The following DSG2 variants were observed in gnomAD, a reference collection of about 807,000 sequenced individuals.
DSG2 encodes the protein desmoglein-2.
A neutral mutation model predicts 75.6 loss-of-function variants in DSG2; 45 were observed. That is an observed-to-expected ratio of 0.60 (90% CI 0.47 to 0.76). The LOEUF (loss-of-function observed/expected upper bound fraction) is 0.76. Ranked by LOEUF, DSG2 falls within the 30% of genes least tolerant of loss-of-function variation. The pLI, the probability that DSG2 is intolerant of heterozygous loss-of-function variation, is 0.00. For missense variants in DSG2, 1,267 were observed against 1,357.4 expected (o/e 0.93, Z 1.05); for synonymous variants, 429 against 483.9 (o/e 0.89, Z 1.49).
At position 31,545,887 on chromosome 18, in the gene DSG2, A is replaced by G. The variant is rs2073302622; in HGVS notation, c.2501A>G (p.Lys834Arg). 6.2e-7 allele frequency: 1 copy of G among 1,614,206 alleles called. No individual in the cohort carries two copies. The highest frequency in any genetic ancestry group is 8.5e-7 in the Non-Finnish European group (1 of 1,180,034). The change falls in exon 15 of 15, where the codon AAG (lysine) becomes AGG (arginine). Residue 834 changes from lysine (K) to arginine (R), a missense_variant. Coordinates refer to ENST00000261590, the MANE Select transcript of DSG2 (RefSeq NM_001943.5). Reference protein sequence around the residue: ...RFLDDLGLKFKTLAEVCLGQK... With the variant: ...RFLDDLGLKFRTLAEVCLGQK... ...TTAGATGATTTGGGACTTAAATTCA[A>G]GACACTAGCTGAAGTTTGCCTGGGT...
rs2276150 is a variant in DSG2 at position 31,536,499 on chromosome 18, T to C, written c.1651+70T>C. 0.11 allele frequency: 163,146 copies of C among 1,426,946 alleles called. 10,873 individuals are homozygous for C. Among genetic ancestry groups the C allele is most frequent in the African/African-American group, 0.29 (20,610 of 70,726 alleles). The allele number at this position is 1,426,946 out of a possible 1,614,324, so 88.4% of individuals were successfully genotyped here. ...TGATATCTAAAATATTTGTAAGTTGTATTTCTTCTCATAAATTATATTTCC... is the reference window on the plus strand; with the variant it reads ...TGATATCTAAAATATTTGTAAGTTGCATTTCTTCTCATAAATTATATTTCC... On this transcript the variant is annotated intron_variant, in intron 11 of 14. Coordinates refer to ENST00000261590, the MANE Select transcript of DSG2 (RefSeq NM_001943.5).
Position 31,524,560 on chromosome 18 carries a change from A to T in DSG2, c.803A>T (p.Asn268Ile), listed in dbSNP as rs942590973. 21 of 1,614,098 alleles carry T rather than the reference A, an allele frequency of 1.3e-5. No individual in the cohort carries two copies. In the East Asian group the frequency reaches 4.7e-4, roughly 36 times the overall value. Residue 268 changes from asparagine (N) to isoleucine (I), a missense_variant, in exon 7 of 15, where the codon AAT (asparagine) becomes ATT (isoleucine). By Grantham distance (149) the Asn-to-Ile change is moderately radical. Transcript: ENST00000261590. ...ATTCGTATTTTGGATGTCAATGACA[A>T]TATACCTGTAGTAGAAAATAAAGTG... ...VQIRILDVND[N>I]IPVVENKVLE...
chr18:31,504,857 C>T (rs898003546), intron 1 of DSG2, among the ~76,000 whole-genome samples: 4 of 152,202 alleles, frequency 2.6e-5, no homozygotes, highest in Non-Finnish European at 5.9e-5. Flanking sequence ...CGTTGGCACC[C>T]TCTGACTCCT....
At position 31,518,360 on chromosome 18, in the gene DSG2, G is replaced by A. The variant is rs2276149; in HGVS notation, c.81+86G>A. ...CAGGTTGACTGGGCTTTACTAGATTGAAGACACATGTTGTATTAGACCCAG... is the reference window on the plus strand; with the variant it reads ...CAGGTTGACTGGGCTTTACTAGATTAAAGACACATGTTGTATTAGACCCAG... On this transcript the variant is annotated intron_variant, in intron 2 of 14. Coordinates refer to ENST00000261590, the MANE Select transcript of DSG2 (RefSeq NM_001943.5). 0.38 allele frequency: 437,120 copies of A among 1,157,510 alleles called. 83,418 individuals carry two copies. The highest frequency in any genetic ancestry group is 0.43 in the African/African-American group (28,638 of 65,942). 71.7% of individuals were successfully genotyped at this position (1,157,510 alleles called of 1,614,324 possible).
chr18:31,525,976 A>G (rs2073160813), intron 8 of DSG2, among the ~76,000 whole-genome samples: 1 of 151,938 alleles, frequency 6.6e-6, no homozygotes, highest in African/African-American at 2.4e-5. Context: ...CCCCATCTCT[A>G]CTACTAAAAA....
chr18:31,517,590 A>G (rs1231345348), intron 1 of DSG2, among the ~76,000 whole-genome samples: 1 of 152,224 alleles, frequency 6.6e-6, no homozygotes, highest in Non-Finnish European at 1.5e-5. Flanking sequence ...TTTTAAAATT[A>G]TTATTTTACA....
At chr18:31,535,454 A>G in intron 10 of DSG2, 42 bp downstream of exon 10, 1 of 1,502,578 alleles carries the variant, frequency 6.7e-7, no homozygotes. Flanking sequence ...ATATGTATTT[A>G]GATTTTTATT....
intron 9 of DSG2, among the ~76,000 whole-genome samples, chr18:31,534,856 C>T (rs2073219744): frequency 6.6e-6 from 1 of 152,172 alleles, no homozygotes; most frequent in African/African-American, 2.4e-5. Context: ...ATGTTGCTAA[C>T]GCCCCCAATA....
Position 31,545,975 on chromosome 18 carries a change from G to A in DSG2, c.2589G>A (p.Met863Ile), listed in dbSNP as rs375955157. ...QRQKPATETS[M>I]NTASHSLCEQ... ...AAAAACCTGCCACAGAAACAAGTAT[G>A]AACACAGCTTCACATTCACTCTGTG... Residue 863 changes from methionine (M) to isoleucine (I), a missense_variant, in exon 15 of 15, where the codon ATG becomes ATA. Coordinates refer to ENST00000261590, the MANE Select transcript of DSG2 (RefSeq NM_001943.5). The A allele has an allele frequency of 1.2e-6, 2 of 1,614,012 alleles. No individual in the cohort carries two copies. The highest frequency in any genetic ancestry group is 1.3e-5 in the African/African-American group (1 of 74,920).
chr18:31,530,565 G>A (rs1163479778), intron 8 of DSG2, among the ~76,000 whole-genome samples: 4 of 151,972 alleles, frequency 2.6e-5, no homozygotes, highest in African/African-American at 9.7e-5. Flanking sequence ...CCACAGGCAC[G>A]AGCTATCATG....
chr18:31,544,037 C>T (rs906156996), intron 14 of DSG2, among the ~76,000 whole-genome samples: 7 of 151,926 alleles, frequency 4.6e-5, no homozygotes, highest in Non-Finnish European at 1.0e-4. Flanking sequence ...AAACTTAAAG[C>T]AAAAACAACT....
intron 1 of DSG2, among the ~76,000 whole-genome samples, chr18:31,499,716 C>CAT: frequency 6.6e-6 from 1 of 152,200 alleles, no homozygotes; most frequent in South Asian, 2.1e-4. Flanking sequence ...ATATTCTTTC[C>CAT]ATATATGAAA....
At chr18:31,541,873 T>C (rs2073270380) in intron 13 of DSG2, among the ~76,000 whole-genome samples, 1 of 152,224 alleles carries the variant, frequency 6.6e-6, no homozygotes, top group South Asian at 2.1e-4. Context: ...AATCCTAAAA[T>C]GGGCATTCCA....
chr18:31,508,760 G>T (rs1380230346), intron 1 of DSG2, among the ~76,000 whole-genome samples: 1 of 152,124 alleles, frequency 6.6e-6, no homozygotes, highest in African/African-American at 2.4e-5. Context: ...GTAACTAGGG[G>T]CTCATTATCC....
At chr18:31,535,969 T>A (rs909885974) in intron 10 of DSG2, among the ~76,000 whole-genome samples, 4 of 152,222 alleles carry the variant, frequency 2.6e-5, no homozygotes, top group Non-Finnish European at 4.4e-5. Flanking sequence ...TCTAAAAAAA[T>A]TTTTTAGTAA....
At chr18:31,523,653 C>CT (rs1248300324) in intron 6 of DSG2, among the ~76,000 whole-genome samples, 1 of 152,216 alleles carries the variant, frequency 6.6e-6, no homozygotes, top group Non-Finnish European at 1.5e-5. Context: ...CATTTACCTT[C>CT]TGCCAGGTAC....
intron 1 of DSG2, among the ~76,000 whole-genome samples, chr18:31,501,497 C>G (rs1204757224): frequency 1.5e-4 from 23 of 152,304 alleles, no homozygotes; most frequent in Admixed American, 1.5e-3. Flanking sequence ...AATCCAAAAT[C>G]AAGATATGGG....
chr18:31,499,810 A>G (rs2073004702), intron 1 of DSG2, among the ~76,000 whole-genome samples: 1 of 152,232 alleles, frequency 6.6e-6, no homozygotes, highest in Non-Finnish European at 1.5e-5. Context: ...AATTAGGCAT[A>G]TCTTTCATTT....
At chr18:31,500,080 A>C (rs927551957) in intron 1 of DSG2, among the ~76,000 whole-genome samples, 4 of 151,586 alleles carry the variant, frequency 2.6e-5, no homozygotes, top group Admixed American at 2.0e-4. Flanking sequence ...CTCATCTGAC[A>C]GAAGTAGTTG....
Sources: allele counts gnomAD v4.1 joint callset (sites outside exome capture counted in the v4.1 genomes callset), GRCh38; gene constraint gnomAD v4.1.1; transcripts MANE v1.5; gene names NCBI Gene and HGNC (gene_info 2026-07-23, HGNC 2026-07-21).